PRKAG2: variants seen among roughly 807,000 people sequenced by gnomAD.
PRKAG2 encodes the protein 5'-AMP-activated protein kinase subunit gamma-2.
In PRKAG2, 26 loss-of-function variants were observed where a neutral mutation model predicts 69.6. The ratio of observed to expected loss-of-function variants is 0.37; its 90% confidence interval spans 0.27 to 0.52. The LOEUF (loss-of-function observed/expected upper bound fraction) is 0.52, where lower values mean the gene tolerates loss of function less well. PRKAG2 is among the 20% of genes least tolerant of loss of function. The probability of loss-of-function intolerance (pLI) is 0.90; values close to 1 mark genes in which losing one functional copy is unlikely to be tolerated. For missense variants in PRKAG2, 557 were observed against 740.0 expected, an observed-to-expected ratio of 0.75 and a Z score of 2.87; for synonymous variants, 293 against 285.0, an observed-to-expected ratio of 1.03 and a Z score of -0.28.
intron 3 of PRKAG2, among the ~76,000 whole-genome samples, chr7:151,750,149 C>T (rs1249578762): frequency 6.9e-6 from 1 of 145,904 alleles, no homozygotes; most frequent in Non-Finnish European, 1.5e-5. Flanking sequence ...TATGGAGAAA[C>T]TGGAACCTTC....
In PRKAG2 at chr7:151,814,934, G is replaced by A. The variant is rs1206878720; in HGVS notation, c.115-28393C>T. 3 of 1,166,334 alleles carry A rather than the reference G, an allele frequency of 2.6e-6. No individual in the cohort carries two copies. The highest frequency in any genetic ancestry group is 6.4e-5 in the East Asian group (2 of 31,416). The allele number at this position is 1,166,334 out of a possible 1,614,324, so 72.2% of individuals were successfully genotyped here. On this transcript the variant is annotated intron_variant, in intron 1 of 15. Coordinates refer to ENST00000287878, the MANE Select transcript of PRKAG2 (RefSeq NM_016203.4). This position sits in a 1 kb window ranked among gnomAD's most constrained non-coding sequence, Gnocchi z 4.8. ...ACCGGAGCTTTTAAAAAGACAGGCA[G>A]CAGGATGGAGGGAGGCAGGAGCAGA...
chr7:151,872,123 C>T (rs1282519443), intron 1 of PRKAG2, among the ~76,000 whole-genome samples: 1 of 152,224 alleles, frequency 6.6e-6, no homozygotes, highest in Non-Finnish European at 1.5e-5. Context: ...TGACCAGACT[C>T]ATCATTTCCC....
intron 1 of PRKAG2, among the ~76,000 whole-genome samples, chr7:151,787,418 A>C (rs1023280408): frequency 6.6e-6 from 1 of 151,780 alleles, no homozygotes; most frequent in Non-Finnish European, 1.5e-5. Flanking sequence ...ATCTCTTTGA[A>C]TCTGACCACT....
At chr7:151,815,969 C>A (rs1473948490) in intron 1 of PRKAG2, among the ~76,000 whole-genome samples, 1 of 152,116 alleles carries the variant, frequency 6.6e-6, no homozygotes, top group African/African-American at 2.4e-5. Context: ...ATTTAGTGGG[C>A]AAATGTGTTA....
intron 6 of PRKAG2, among the ~76,000 whole-genome samples, chr7:151,586,238 C>G (rs1046946560): frequency 1.8e-4 from 28 of 152,336 alleles, no homozygotes; most frequent in African/African-American, 6.5e-4. Context: ...GTGCCAGGCT[C>G]TGCCAGCCTA....
intron 3 of PRKAG2, among the ~76,000 whole-genome samples, chr7:151,701,909 G>A (rs1373605563): frequency 6.6e-6 from 1 of 151,916 alleles, no homozygotes; most frequent in Admixed American, 6.5e-5. Context: ...GTGGGGAGCA[G>A]GTTCTCCTTC....
intron 4 of PRKAG2, among the ~76,000 whole-genome samples, chr7:151,669,516 G>T (rs62478163): frequency 1.6e-4 from 25 of 152,024 alleles, no homozygotes; most frequent in African/African-American, 4.8e-4. Flanking sequence ...CGTTTTTTTC[G>T]ATTGTCCCTT....
intron 3 of PRKAG2, among the ~76,000 whole-genome samples, chr7:151,755,446 TGACCTCAGAG>T (rs975219192): frequency 1.3e-4 from 19 of 151,876 alleles, no homozygotes; most frequent in Non-Finnish European, 2.2e-4. Context: ...CAGCCCAGGG[TGACCTCAGAG>T]GACCTCAGAG....
At chr7:151,869,882 C>A (rs934916793) in intron 1 of PRKAG2, among the ~76,000 whole-genome samples, 2 of 152,222 alleles carry the variant, frequency 1.3e-5, no homozygotes, top group African/African-American at 4.8e-5. Flanking sequence ...ATAGCATACT[C>A]TGGGCCCTAT....
intron 1 of PRKAG2, among the ~76,000 whole-genome samples, chr7:151,869,499 C>T (rs552973275): frequency 3.0e-4 from 46 of 152,288 alleles, no homozygotes; most frequent in African/African-American, 8.2e-4. Context: ...GATAAGAGGA[C>T]GAGGCAGCTC....
chr7:151,649,796 G>A (rs974826229), intron 4 of PRKAG2, among the ~76,000 whole-genome samples: 3 of 152,092 alleles, frequency 2.0e-5, no homozygotes, highest in Non-Finnish European at 4.4e-5. Flanking sequence ...CAGAGAAGCC[G>A]AGCGGATACC....
chr7:151,588,936 C>G (rs1446642157), intron 6 of PRKAG2, among the ~76,000 whole-genome samples: 1 of 152,234 alleles, frequency 6.6e-6, no homozygotes, highest in African/African-American at 2.4e-5. Flanking sequence ...GATGTCCCCC[C>G]TCTCTACTGT....
intron 11 of PRKAG2, among the ~76,000 whole-genome samples, chr7:151,566,381 TC>T (rs1806267182): frequency 6.6e-6 from 1 of 152,136 alleles, no homozygotes; most frequent in South Asian, 2.1e-4. Flanking sequence ...CGCCTCTACA[TC>T]CTGAATTCTC....
chr7:151,560,662 A>AG (rs1479596947), intron 14 of PRKAG2, 45 bp from the exon 15 acceptor site: 2 of 1,610,716 alleles, frequency 1.2e-6, no homozygotes, highest in African/African-American at 2.7e-5. Context: ...CATTTAAAAA[A>AG]GGTTTAAAAT....
chr7:151,716,472 A>T (rs958034315), intron 3 of PRKAG2, among the ~76,000 whole-genome samples: 6 of 152,136 alleles, frequency 3.9e-5, no homozygotes, highest in Non-Finnish European at 5.9e-5. Context: ...CAGGGCTTGG[A>T]TCCACAAGTC....
chr7:151,587,740 G>A (rs930909429), intron 6 of PRKAG2, among the ~76,000 whole-genome samples: 7 of 152,320 alleles, frequency 4.6e-5, no homozygotes, highest in Admixed American at 4.6e-4. Context: ...ACCTGTCTGA[G>A]AAGCTGTCCC....
At chr7:151,599,473 A>G (rs889518153) in intron 5 of PRKAG2, among the ~76,000 whole-genome samples, 2 of 152,202 alleles carry the variant, frequency 1.3e-5, no homozygotes, top group African/African-American at 4.8e-5. Flanking sequence ...TCTAATCCAG[A>G]TGCTTTAGAA....
At chr7:151,609,777 A>C (rs1489670335) in intron 5 of PRKAG2, among the ~76,000 whole-genome samples, 3 of 152,166 alleles carry the variant, frequency 2.0e-5, no homozygotes, top group African/African-American at 7.2e-5. Context: ...GGTTACTCCA[A>C]TTTCAGAAGG....
In PRKAG2 at chr7:151,614,271, C is replaced by T. The variant is rs1031916823; in HGVS notation, c.754+17798G>A. Among the ~76,000 whole-genome samples, 15 of 152,080 alleles carry T rather than the reference C, an allele frequency of 9.9e-5. No homozygotes were observed. The highest frequency in any genetic ancestry group is 3.4e-4 in the African/African-American group (14 of 41,410). On this transcript the variant is annotated intron_variant, in intron 5 of 15. Transcript: ENST00000287878. This position sits in a 1 kb window ranked among gnomAD's most constrained non-coding sequence, Gnocchi z 4.4. ...TCAGATCTGAGGGTATCCTCAGGAG[C>T]TCGCAGGGGACATGGGGCAGGGGCT... is the stretch of plus-strand genomic sequence containing the variant.
Sources: allele counts gnomAD v4.1 joint callset (sites outside exome capture counted in the v4.1 genomes callset), GRCh38; gene constraint gnomAD v4.1.1; non-coding constraint Gnocchi (gnomAD v3.1); transcripts MANE v1.5; gene names NCBI Gene and HGNC (gene_info 2026-07-23, HGNC 2026-07-21).